PDE1C: variants seen among roughly 807,000 people sequenced by gnomAD.
PDE1C encodes the protein dual specificity calcium/calmodulin-dependent 3',5'-cyclic nucleotide phosphodiesterase 1C.
In PDE1C, 62 loss-of-function variants were observed where a neutral mutation model predicts 93.1. The observed-to-expected ratio is 0.67, with a 90% CI of 0.54 to 0.82. The LOEUF (loss-of-function observed/expected upper bound fraction) is 0.82, where lower values mean the gene tolerates loss of function less well. Ranked by LOEUF, PDE1C falls within the 40% of genes least tolerant of loss-of-function variation. The pLI is 0.00. For synonymous variants in PDE1C, 325 were observed against 310.1 expected (o/e 1.05, Z -0.50); for missense variants, 742 against 884.6 (o/e 0.84, Z 2.04).
chr7:32,378,185 T>C (rs1784466570), intron 1 of PDE1C, among the ~76,000 whole-genome samples: 1 of 152,124 alleles, frequency 6.6e-6, no homozygotes, highest in Non-Finnish European at 1.5e-5. Context: ...TTCTACCTCC[T>C]CCCTTACTCA....
chr7:32,396,522 TGGGG>T (rs34693320), intron 1 of PDE1C, among the ~76,000 whole-genome samples: 1 of 135,064 alleles, frequency 7.4e-6, no homozygotes, highest in Admixed American at 7.4e-5. Flanking sequence ...TATTGAAGTA[TGGGG>T]GGGGGGAGTG....
chr7:32,202,839 T>A (rs1805117508), intron 2 of PDE1C, among the ~76,000 whole-genome samples: 1 of 152,176 alleles, frequency 6.6e-6, no homozygotes, highest in South Asian at 2.1e-4. Flanking sequence ...TTTTGTGGTA[T>A]GAAAACTTAA....
chr7:32,212,756 G>C (rs1171750911), intron 1 of PDE1C, among the ~76,000 whole-genome samples: 1 of 152,016 alleles, frequency 6.6e-6, no homozygotes, highest in Non-Finnish European at 1.5e-5. Context: ...CTTCTGAAAA[G>C]CCTCCTCGCC....
rs76326025 is a variant in PDE1C, at chr7:31,920,387, C to T, written c.129-39527G>A. Among the ~76,000 whole-genome samples the T allele has an allele frequency of 5.5e-3, 834 of 152,296 alleles. 8 individuals are homozygous for T. The highest frequency in any genetic ancestry group is 0.019 in the African/African-American group (776 of 41,568). ...CTCCTGTCTCTCCAGCAAAGCCACC[C>T]TCCTCAGAACCAGCTGCTCCCTGCA... On this transcript the variant is annotated intron_variant, in intron 2 of 17. Coordinates refer to ENST00000396191, the MANE Select transcript of PDE1C (RefSeq NM_001191057.4).
intron 2 of PDE1C, among the ~76,000 whole-genome samples, chr7:32,207,370 A>AC (rs1159533919): frequency 1.5e-4 from 22 of 151,636 alleles, no homozygotes; most frequent in African/African-American, 4.9e-4. Context: ...AAAAAAAAAA[A>AC]AACTTATCAT....
intron 3 of PDE1C, among the ~76,000 whole-genome samples, chr7:31,880,080 T>C: frequency 6.6e-6 from 1 of 152,214 alleles, no homozygotes; most frequent in East Asian, 1.9e-4. Flanking sequence ...ACTTTCAGAT[T>C]GGAATTTGGC....
chr7:32,310,259 G>C (rs948028483), intron 1 of PDE1C, among the ~76,000 whole-genome samples: 1 of 151,712 alleles, frequency 6.6e-6, no homozygotes, highest in Admixed American at 6.6e-5. Context: ...AGCAAGTCCT[G>C]AGTGACCTAC....
chr7:31,655,363 C>T, the PDE1C span, among the ~76,000 whole-genome samples: 2 of 152,298 alleles, frequency 1.3e-5, no homozygotes, highest in African/African-American at 4.8e-5. Context: ...CCAGAAGTTT[C>T]CTCAGAACGA....
the PDE1C span, among the ~76,000 whole-genome samples, chr7:31,737,540 G>A: frequency 6.6e-6 from 1 of 152,200 alleles, no homozygotes; most frequent in African/African-American, 2.4e-5. Flanking sequence ...AGTGGCTCAT[G>A]CCTGTAATGC....
chr7:32,279,361 T>C (rs1398220815), intron 1 of PDE1C, among the ~76,000 whole-genome samples: 2 of 152,188 alleles, frequency 1.3e-5, no homozygotes, highest in Non-Finnish European at 2.9e-5. Context: ...AGGTACAAAG[T>C]TGCACTTAGA....
the PDE1C span, among the ~76,000 whole-genome samples, chr7:31,727,823 C>T: frequency 2.0e-5 from 3 of 152,182 alleles, no homozygotes; most frequent in African/African-American, 7.2e-5. Context: ...AGGAGGATCA[C>T]TTGAGGTCAG....
intron 2 of PDE1C, among the ~76,000 whole-genome samples, chr7:31,887,708 G>C (rs1239225223): frequency 6.6e-6 from 1 of 152,156 alleles, no homozygotes; most frequent in African/African-American, 2.4e-5. Flanking sequence ...GGGTCACAGA[G>C]ACTCTCAATA....
intron 1 of PDE1C, among the ~76,000 whole-genome samples, chr7:32,328,869 G>A (rs1783456931): frequency 6.6e-6 from 1 of 152,094 alleles, no homozygotes; most frequent in East Asian, 1.9e-4. Context: ...TGGCCTTCTT[G>A]GTCACTACTG....
chr7:31,911,037 T>C (rs1200433175), intron 2 of PDE1C, among the ~76,000 whole-genome samples: 1 of 152,198 alleles, frequency 6.6e-6, no homozygotes, highest in Non-Finnish European at 1.5e-5. Flanking sequence ...TGCTTACATA[T>C]ATTCAGAACA....
At chr7:32,274,229 A>G (rs1811146416) in intron 1 of PDE1C, among the ~76,000 whole-genome samples, 2 of 148,620 alleles carry the variant, frequency 1.3e-5, no homozygotes, top group East Asian at 2.0e-4. Flanking sequence ...TTTTTTTGAG[A>G]CGGGCTCTTG....
At chr7:32,014,399 T>C (rs1180896171) in intron 2 of PDE1C, among the ~76,000 whole-genome samples, 1 of 152,232 alleles carries the variant, frequency 6.6e-6, no homozygotes, top group Non-Finnish European at 1.5e-5. Flanking sequence ...CAAATCTAGT[T>C]TGTGTAGAAG....
At chr7:32,287,639 G>C (rs1050743132) in intron 1 of PDE1C, among the ~76,000 whole-genome samples, 1 of 152,210 alleles carries the variant, frequency 6.6e-6, no homozygotes, top group Non-Finnish European at 1.5e-5. Context: ...GAGTGGTTAC[G>C]ACCCATGCGC....
intron 16 of PDE1C, among the ~76,000 whole-genome samples, chr7:31,781,309 C>T (rs140798711): frequency 2.4e-4 from 36 of 152,308 alleles, no homozygotes; most frequent in African/African-American, 7.5e-4. Context: ...GACCAAACAT[C>T]ATCATTATTA....
chr7:31,737,368 A>G, the PDE1C span, among the ~76,000 whole-genome samples: 2 of 152,204 alleles, frequency 1.3e-5, no homozygotes, highest in Non-Finnish European at 2.9e-5. Context: ...TCTTTGCTTC[A>G]TATACAATAA....
Sources: gnomAD v4.1 joint callset for allele counts (sites outside exome capture counted in the v4.1 genomes callset) on GRCh38, gnomAD v4.1.1 for gene constraint, MANE v1.5 for transcripts, NCBI Gene and HGNC (gene_info 2026-07-23, HGNC 2026-07-21) for gene names.